Variants in SMAP2 observed in about 807,000 individuals in gnomAD.
The protein encoded by SMAP2 is small ArfGAP2.
Under a neutral mutation model 56.4 loss-of-function variants are expected in SMAP2, and 25 were observed. The ratio of observed to expected loss-of-function variants is 0.44; its 90% CI spans 0.32 to 0.62. The LOEUF is 0.62. Among genes scored for constraint, SMAP2 ranks in the 20% least tolerant of loss-of-function variants. The pLI is 0.04. For synonymous variants in SMAP2, 157 were observed against 181.7 expected (o/e 0.86, Z 1.09); for missense variants, 388 against 545.6 (o/e 0.71, Z 2.88).
intron 1 of SMAP2, among the ~76,000 whole-genome samples, chr1:40,346,419 G>C (rs913993862): frequency 2.6e-5 from 4 of 151,884 alleles, no homozygotes; most frequent in Admixed American, 2.0e-4. Context: ...GCCCGGACTG[G>C]AGTGCAGTGG....
intron 7 of SMAP2, 120 bp from the exon 8 acceptor site, chr1:40,416,056 A>G: frequency 1.1e-6 from 1 of 924,792 alleles, no homozygotes; most frequent in Non-Finnish European, 1.7e-6. Flanking sequence ...TTAGGAAGCT[A>G]TTAACTTGAG....
intron 1 of SMAP2, among the ~76,000 whole-genome samples, chr1:40,359,690 GT>G (rs1644451301): frequency 6.6e-6 from 1 of 151,456 alleles, no homozygotes; most frequent in South Asian, 2.1e-4. Context: ...TCTGTTGTTT[GT>G]TTTTTATTTG....
chr1:40,350,437 G>A (rs1644405175), intron 1 of SMAP2, among the ~76,000 whole-genome samples: 1 of 152,210 alleles, frequency 6.6e-6, no homozygotes, highest in African/African-American at 2.4e-5. Flanking sequence ...ACCAGAAGAG[G>A]TTCAGGAATC....
intron 1 of SMAP2, among the ~76,000 whole-genome samples, chr1:40,393,093 A>T (rs1476530397): frequency 1.4e-5 from 1 of 73,542 alleles, no homozygotes; most frequent in Admixed American, 1.7e-4. Flanking sequence ...CAGAGCGTGA[A>T]TCCATCTCAA....
intron 4 of SMAP2, among the ~76,000 whole-genome samples, chr1:40,412,507 CTT>C (rs1644946095): frequency 6.6e-6 from 1 of 152,038 alleles, no homozygotes; most frequent in East Asian, 1.9e-4. Flanking sequence ...GATTTTAAAA[CTT>C]AATTTTTGTT....
At chr1:40,413,130 G>A in intron 5 of SMAP2, 28 bp downstream of exon 5, 1 of 1,535,926 alleles carries the variant, frequency 6.5e-7, no homozygotes, top group Non-Finnish European at 9.0e-7. Flanking sequence ...TGCACTGTAT[G>A]GACAGCCTCA....
At chr1:40,364,998 G>C in intron 2 of SMAP2, 1 of 228,778 alleles carries the variant, frequency 4.4e-6, no homozygotes, top group East Asian at 1.0e-4. Context: ...CCACAACCCA[G>C]TTTCAGATGA....
intron 1 of SMAP2, among the ~76,000 whole-genome samples, chr1:40,382,191 A>G (rs1471768151): frequency 1.3e-5 from 2 of 152,160 alleles, no homozygotes; most frequent in Non-Finnish European, 2.9e-5. Context: ...ACAGTTGTCT[A>G]TATAACTGTT....
intron 2 of SMAP2, among the ~76,000 whole-genome samples, chr1:40,363,527 G>A (rs1644467828): frequency 6.6e-6 from 1 of 151,928 alleles, no homozygotes; most frequent in Admixed American, 6.6e-5. Flanking sequence ...TAATATCTAG[G>A]AAGGCAGAGC....
chr1:40,413,246 C>A, intron 5 of SMAP2, 144 bp downstream of exon 5: 1 of 677,962 alleles, frequency 1.5e-6, no homozygotes, highest in Non-Finnish European at 2.7e-6. Flanking sequence ...GGACTGCCTG[C>A]TATCATTTCT....
chr1:40,416,055 T>C (rs1168850444), intron 7 of SMAP2, 121 bp from the exon 8 acceptor site: 1 of 903,006 alleles, frequency 1.1e-6, no homozygotes, highest in African/African-American at 1.7e-5. Context: ...GTTAGGAAGC[T>C]ATTAACTTGA....
intron 1 of SMAP2, among the ~76,000 whole-genome samples, chr1:40,381,012 A>T (rs1200651307): frequency 1.3e-5 from 2 of 152,210 alleles, no homozygotes; most frequent in Non-Finnish European, 2.9e-5. Flanking sequence ...AAAGTAATTT[A>T]TCAAAATCCC....
intron 1 of SMAP2, among the ~76,000 whole-genome samples, chr1:40,378,059 G>C (rs1335725321): frequency 6.6e-6 from 1 of 152,176 alleles, no homozygotes; most frequent in Admixed American, 6.5e-5. Flanking sequence ...GGAATAATGA[G>C]AAGGAAAAAA....
At chr1:40,378,491 A>G (rs550840450) in intron 1 of SMAP2, among the ~76,000 whole-genome samples, 20 of 152,266 alleles carry the variant, frequency 1.3e-4, no homozygotes, top group Admixed American at 2.6e-4. Flanking sequence ...TGGCTTATCT[A>G]CAATTGAGAC....
Position 40,408,816 on chromosome 1 carries a change from T to G in SMAP2, c.323+78T>G. The G allele has an allele frequency of 1.8e-6, 2 of 1,122,750 alleles. No individual in the cohort carries two copies. The highest frequency in any genetic ancestry group is 2.7e-6 in the Non-Finnish European group (2 of 738,998). 69.5% of individuals were successfully genotyped at this position (1,122,750 alleles called of 1,614,324 possible). On this transcript the variant is annotated intron_variant, in intron 3 of 9. Coordinates refer to ENST00000372718, the MANE Select transcript of SMAP2 (RefSeq NM_022733.3). This position sits in a 1 kb window ranked among gnomAD's most constrained non-coding sequence, Gnocchi z 4.3. ...AGAGTCAGACAAGACTCCAGTCCTG[T>G]AATGTGACTGGGTCATCTCTATGTG...
At chr1:40,393,088 C>T (rs1345239998) in intron 1 of SMAP2, among the ~76,000 whole-genome samples, 1 of 120,888 alleles carries the variant, frequency 8.3e-6, no homozygotes, top group African/African-American at 3.4e-5. Context: ...GGTGACAGAG[C>T]GTGAATCCAT....
chr1:40,365,459 A>C (rs1314998469), intron 2 of SMAP2, among the ~76,000 whole-genome samples: 1 of 152,226 alleles, frequency 6.6e-6, no homozygotes, highest in Non-Finnish European at 1.5e-5. Flanking sequence ...AATCCATTAG[A>C]TACAGTGCAA....
chr1:40,374,255 C>T lies in SMAP2; in HGVS notation c.103+32C>T. On this transcript the variant is annotated intron_variant, in intron 1 of 9. Coordinates refer to ENST00000372718, the MANE Select transcript of SMAP2 (RefSeq NM_022733.3). The surrounding 1 kb of genome is among the most constrained non-coding windows in gnomAD (Gnocchi z 5.9). Reference sequence around the variant, plus strand: ...CATCCCACCTGGCGGGCCAGGGGTCCAGCCGCGCCGGGGTGGTGGGGGTGG... The same window carrying T: ...CATCCCACCTGGCGGGCCAGGGGTCTAGCCGCGCCGGGGTGGTGGGGGTGG... 5 of 1,568,344 alleles carry T rather than the reference C, an allele frequency of 3.2e-6. No homozygotes were observed. The highest frequency in any genetic ancestry group is 4.3e-6 in the Non-Finnish European group (5 of 1,149,470).
rs1267658606 is a variant in SMAP2 at position 40,414,146 on chromosome 1, A to C, written c.490-13A>C. ...ACCTGCTTATTTCTTGCTATAACAT[A>C]TTTTCACCTTAGCCACAGAAAAAAG... On this transcript the variant is annotated splice_polypyrimidine_tract_variant and intron_variant, in intron 5 of 9. Coordinates refer to ENST00000372718, the MANE Select transcript of SMAP2 (RefSeq NM_022733.3). The C allele has an allele frequency of 1.9e-6, 3 of 1,613,420 alleles. No homozygotes were observed. In the East Asian group the frequency reaches 6.7e-5, roughly 36 times the overall value.
Sources: gnomAD v4.1 joint callset for allele counts (sites outside exome capture counted in the v4.1 genomes callset) on GRCh38, gnomAD v4.1.1 for gene constraint, Gnocchi (gnomAD v3.1) non-coding constraint, MANE v1.5 for transcripts, NCBI Gene and HGNC (gene_info 2026-07-23, HGNC 2026-07-21) for gene names.